Variants in RTN4RL1 observed in about 807,000 individuals in gnomAD.
RTN4RL1 encodes the protein reticulon-4 receptor-like 1.
In RTN4RL1, 7 loss-of-function variants were observed where a neutral mutation model predicts 25.6. The observed-to-expected ratio is 0.27, with a 90% CI of 0.16 to 0.51. The LOEUF (loss-of-function observed/expected upper bound fraction) is 0.51, where lower values mean the gene tolerates loss of function less well. Among genes scored for constraint, RTN4RL1 ranks in the 20% least tolerant of loss-of-function variants. The pLI is 0.97. For missense variants in RTN4RL1, 500 were observed against 615.6 expected (o/e 0.81, Z 1.99); for synonymous variants, 297 against 288.2 (o/e 1.03, Z -0.31).
At chr17:1,995,395 C>T (rs924062480) in intron 1 of RTN4RL1, among the ~76,000 whole-genome samples, 1 of 142,960 alleles carries the variant, frequency 7.0e-6, no homozygotes, top group Admixed American at 7.3e-5. Context: ...CATTGCACTA[C>T]AGCCTGGGTG....
intron 1 of RTN4RL1, among the ~76,000 whole-genome samples, chr17:1,962,444 G>A (rs1449666684): frequency 1.4e-5 from 2 of 143,208 alleles, no homozygotes; most frequent in Admixed American, 6.9e-5. Flanking sequence ...TGCAACCTCC[G>A]TCTCCCGGGT....
intron 1 of RTN4RL1, among the ~76,000 whole-genome samples, chr17:1,985,198 G>A (rs2066882748): frequency 6.6e-6 from 1 of 152,332 alleles, no homozygotes; most frequent in South Asian, 2.1e-4. Flanking sequence ...ACCTGGGCCT[G>A]CTGGACTCCA....
rs138065088 is a variant in RTN4RL1 at position 1,966,184 on chromosome 17, G to A, written c.14-28376C>T. On this transcript the variant is annotated intron_variant, in intron 1 of 1. Transcript: ENST00000331238. ...GCGCCTAATTACATTCCAACTCGAC[G>A]TGGTACAGTGACATGTGTCCAAGCC... 1.6e-3 allele frequency among the ~76,000 whole-genome samples: 246 copies of A among 152,274 alleles called. 1 individual carries two copies. The highest frequency in any genetic ancestry group is 5.6e-3 in the African/African-American group (231 of 41,564).
chr17:1,968,104 G>A (rs943975936), intron 1 of RTN4RL1, among the ~76,000 whole-genome samples: 14 of 152,066 alleles, frequency 9.2e-5, no homozygotes, highest in African/African-American at 2.7e-4. Flanking sequence ...CCCACAGCCC[G>A]TGGGAGCCAC....
chr17:1,981,677 G>T (rs1421115181), intron 1 of RTN4RL1, among the ~76,000 whole-genome samples: 1 of 152,190 alleles, frequency 6.6e-6, no homozygotes, highest in African/African-American at 2.4e-5. Flanking sequence ...CTGACGTGCT[G>T]GTACACACTG....
chr17:1,961,983 G>GAAAGAAAAGAAAAGA (rs1567510466), intron 1 of RTN4RL1, among the ~76,000 whole-genome samples: 20 of 143,012 alleles, frequency 1.4e-4, no homozygotes, highest in South Asian at 2.3e-4. Context: ...AGAAAAGAAA[G>GAAAGAAAAGAAAAGA]AAAGAAAAGA....
chr17:2,008,475 A>G (rs1285455487), intron 1 of RTN4RL1, among the ~76,000 whole-genome samples: 1 of 152,070 alleles, frequency 6.6e-6, no homozygotes, highest in Non-Finnish European at 1.5e-5. Flanking sequence ...ACACCCTGGG[A>G]GGGGTGAGCT....
rs993334677 is a variant in RTN4RL1 at position 1,957,216 on chromosome 17, G to A, written c.14-19408C>T. Among the ~76,000 whole-genome samples, 14 of 152,316 alleles carry A rather than the reference G, an allele frequency of 9.2e-5. No homozygotes were observed. The South Asian group carries it at 1.9e-3, about 20-fold the overall frequency. ...CCAAGTGCTCCTGACATTTGCTGAT[G>A]AGTCACCTTTCAGAACATTCAGCTC... On this transcript the variant is annotated intron_variant, in intron 1 of 1. Coordinates refer to ENST00000331238, the MANE Select transcript of RTN4RL1 (RefSeq NM_178568.4).
intron 1 of RTN4RL1, among the ~76,000 whole-genome samples, chr17:1,972,361 T>C (rs2066824249): frequency 6.6e-6 from 1 of 150,910 alleles, no homozygotes; most frequent in Admixed American, 6.6e-5. Flanking sequence ...ATCAAACCCC[T>C]CTCTAAGTGC....
rs1915371289 is a variant in RTN4RL1 at position 1,938,833 on chromosome 17, C to G, written c.14-1025G>C. Among the ~76,000 whole-genome samples, 3 of 147,880 alleles carry G rather than the reference C, an allele frequency of 2.0e-5. No individual in the cohort carries two copies. The South Asian group carries it at 6.6e-4, about 32-fold the overall frequency. On this transcript the variant is annotated intron_variant, in intron 1 of 1. Transcript: ENST00000331238. ...TGGGAAGCCGAGGCAGGCGGATCAC[C>G]TGAGGTCAGGAGTTCAACACCACCC...
chr17:2,004,811 G>T (rs1037298762), intron 1 of RTN4RL1, among the ~76,000 whole-genome samples: 1 of 152,090 alleles, frequency 6.6e-6, no homozygotes, highest in Non-Finnish European at 1.5e-5. Context: ...TGTCTGTCCT[G>T]ATCACTCACA....
intron 1 of RTN4RL1, among the ~76,000 whole-genome samples, chr17:1,978,101 T>C (rs2066851149): frequency 6.6e-6 from 1 of 152,100 alleles, no homozygotes; most frequent in South Asian, 2.1e-4. Flanking sequence ...TCCTGCACTC[T>C]CGGGGAGGGA....
intron 1 of RTN4RL1, among the ~76,000 whole-genome samples, chr17:1,963,808 C>T (rs551180435): frequency 3.3e-5 from 5 of 152,150 alleles, no homozygotes; most frequent in South Asian, 2.1e-4. Flanking sequence ...CTCGGCTGAG[C>T]GCAACCTCCA....
At chr17:1,949,231 G>T (rs1915627472) in intron 1 of RTN4RL1, among the ~76,000 whole-genome samples, 1 of 152,128 alleles carries the variant, frequency 6.6e-6, no homozygotes, top group Admixed American at 6.5e-5. Context: ...TAAGTGCTGG[G>T]ATTACAGGCG....
At chr17:1,980,061 CT>C (rs908894330) in intron 1 of RTN4RL1, among the ~76,000 whole-genome samples, 1 of 151,802 alleles carries the variant, frequency 6.6e-6, no homozygotes, top group African/African-American at 2.4e-5. Flanking sequence ...TATATTTTTT[CT>C]TTTCTTTTCT....
chr17:1,937,794 A>T lies in RTN4RL1; in HGVS notation c.28T>A (p.Leu10Met). The stretch of plus-strand genomic sequence containing the variant: ...TCCGCAGCTACCAACAGCAGCAGCA[A>T]CTCCACACAGCACCCTGGCAGGGAG... MLRKGCCVE[L>M]LLLLVAAELP... The change falls in exon 2 of 2, where the codon TTG becomes ATG. Residue 10 changes from leucine (L) to methionine (M), a missense_variant. Leu to Met is a conservative substitution (Grantham distance 15, BLOSUM62 2). Coordinates refer to ENST00000331238, the MANE Select transcript of RTN4RL1 (RefSeq NM_178568.4). 1 of 1,590,396 alleles carries T rather than the reference A, an allele frequency of 6.3e-7. No individual in the cohort carries two copies. Among genetic ancestry groups the T allele is most frequent in the Non-Finnish European group, 8.5e-7 (1 of 1,172,376 alleles).
chr17:1,999,109 C>CACAG (rs2066944053), intron 1 of RTN4RL1, among the ~76,000 whole-genome samples: 1 of 149,334 alleles, frequency 6.7e-6, no homozygotes, highest in Non-Finnish European at 1.5e-5. Flanking sequence ...CACACACACA[C>CACAG]ACACACACGC....
At chr17:1,942,067 C>T (rs1480205529) in intron 1 of RTN4RL1, among the ~76,000 whole-genome samples, 2 of 152,154 alleles carry the variant, frequency 1.3e-5, no homozygotes, top group Non-Finnish European at 2.9e-5. Flanking sequence ...CCACCAGCCT[C>T]CTCGTCCCCT....
At chr17:2,024,311 C>G (rs1452257133) in intron 1 of RTN4RL1, among the ~76,000 whole-genome samples, 1 of 152,202 alleles carries the variant, frequency 6.6e-6, no homozygotes, top group Non-Finnish European at 1.5e-5. Context: ...CACCCTCAGC[C>G]GCTGGGTGCC....
Sources: allele counts gnomAD v4.1 joint callset (sites outside exome capture counted in the v4.1 genomes callset), GRCh38; gene constraint gnomAD v4.1.1; transcripts MANE v1.5; gene names NCBI Gene and HGNC (gene_info 2026-07-23, HGNC 2026-07-21).